Variants in EXPH5 observed in about 807,000 individuals in gnomAD.
EXPH5 encodes the protein exophilin 5.
A neutral mutation model predicts 41.1 loss-of-function variants in EXPH5; 42 were observed. The ratio of observed to expected loss-of-function variants is 1.02; its 90% CI spans 0.80 to 1.32. EXPH5 has a LOEUF of 1.32. EXPH5 is among the 40% of genes most tolerant of loss of function. The probability of loss-of-function intolerance (pLI) is 0.00; values close to 1 mark genes in which losing one functional copy is unlikely to be tolerated. For missense variants in EXPH5, 2,298 were observed against 2,314.5 expected (o/e 0.99, Z 0.15); for synonymous variants, 798 against 833.5 (o/e 0.96, Z 0.73).
the EXPH5 span, among the ~76,000 whole-genome samples, chr11:108,602,924 T>C: frequency 2.6e-5 from 4 of 152,076 alleles, no homozygotes; most frequent in African/African-American, 9.7e-5. Context: ...ATAATCCCCA[T>C]GTGTTGAGGG....
At chr11:108,541,445 C>T (rs1412040108) in intron 2 of EXPH5, among the ~76,000 whole-genome samples, 1 of 149,014 alleles carries the variant, frequency 6.7e-6, no homozygotes, top group Admixed American at 6.7e-5. Context: ...ACCCAAAAAA[C>T]AAAAAAAAAT....
At chr11:108,570,425 T>C (rs1027797439) in intron 1 of EXPH5, among the ~76,000 whole-genome samples, 2 of 151,892 alleles carry the variant, frequency 1.3e-5, no homozygotes, top group African/African-American at 4.8e-5. Context: ...CAGCTAAGTT[T>C]TGTATTTTTA....
chr11:108,563,751 G>T (rs1485719855), intron 1 of EXPH5, among the ~76,000 whole-genome samples: 1 of 152,182 alleles, frequency 6.6e-6, no homozygotes, highest in Non-Finnish European at 1.5e-5. Context: ...CCACTGAAGG[G>T]GTGGAGAGGC....
chr11:108,603,029 A>G, the EXPH5 span, among the ~76,000 whole-genome samples: 30 of 152,268 alleles, frequency 2.0e-4, no homozygotes, highest in African/African-American at 6.3e-4. Flanking sequence ...TGATGGTTTT[A>G]TAAGCATCTG....
chr11:108,518,736 C>T (rs565119688), intron 4 of EXPH5, among the ~76,000 whole-genome samples: 1 of 152,260 alleles, frequency 6.6e-6, no homozygotes, highest in Admixed American at 6.5e-5. Flanking sequence ...CATTCCCAGC[C>T]GGTTAAGGCA....
chr11:108,533,331 G>A (rs2093856157), intron 3 of EXPH5, among the ~76,000 whole-genome samples: 2 of 152,012 alleles, frequency 1.3e-5, no homozygotes, highest in Non-Finnish European at 2.9e-5. Context: ...AGCCTCCCAA[G>A]TATCAGGGAT....
intron 3 of EXPH5, among the ~76,000 whole-genome samples, chr11:108,528,695 CTTTTTTTTT>C (rs58500316): frequency 1.9e-5 from 2 of 106,328 alleles, no homozygotes; most frequent in African/African-American, 7.5e-5. Flanking sequence ...TTTTCTTTCC[CTTTTTTTTT>C]TTTTTTTTTT....
chr11:108,574,844 G>A (rs1033304715), intron 1 of EXPH5, among the ~76,000 whole-genome samples: 5 of 152,324 alleles, frequency 3.3e-5, no homozygotes, highest in African/African-American at 9.6e-5. Context: ...CCCAAAAGAA[G>A]CAGTTGTCAC....
At chr11:108,518,100 A>C (rs1049042154) in intron 5 of EXPH5, 135 bp downstream of exon 5, 1 of 733,590 alleles carries the variant, frequency 1.4e-6, no homozygotes, top group African/African-American at 1.8e-5. Flanking sequence ...CATCCTCTTC[A>C]AATAAGCTAA....
chr11:108,572,751 G>T (rs2094064961), intron 1 of EXPH5, among the ~76,000 whole-genome samples: 1 of 151,984 alleles, frequency 6.6e-6, no homozygotes, highest in African/African-American at 2.4e-5. Context: ...TAGAGATGGG[G>T]TTTCACCATG....
intron 1 of EXPH5, among the ~76,000 whole-genome samples, chr11:108,592,168 A>G (rs1472622386): frequency 6.6e-6 from 1 of 152,148 alleles, no homozygotes; most frequent in African/African-American, 2.4e-5. Flanking sequence ...TACACTGTTC[A>G]GGGGAGGGGA....
intron 3 of EXPH5, among the ~76,000 whole-genome samples, chr11:108,531,167 G>C (rs1333000470): frequency 1.3e-5 from 2 of 152,170 alleles, no homozygotes; most frequent in East Asian, 3.9e-4. Context: ...CTGCCTGACA[G>C]TCAACTTTCA....
chr11:108,554,299 C>T (rs1397663047), intron 1 of EXPH5, among the ~76,000 whole-genome samples: 2 of 152,192 alleles, frequency 1.3e-5, no homozygotes, highest in Admixed American at 6.5e-5. Flanking sequence ...AAGTGATCCT[C>T]CCGCCTCAGC....
chr11:108,511,911 C>T lies in EXPH5; in HGVS notation c.3596G>A (p.Arg1199Lys), dbSNP rs1367565840. ...ATTTGAAAGAGCAAATACACTTCTC[C>T]TGGAGGCAGCCATTTTACCCTCTTT... ...TEKEGKMAAS[R>K]RSVFALSNED... The change falls in exon 6 of 6, where the codon AGG becomes AAG. Residue 1199 changes from arginine (R) to lysine (K), a missense_variant. By Grantham distance (26) the Arg-to-Lys change is conservative (BLOSUM62 2). Coordinates refer to ENST00000265843, the MANE Select transcript of EXPH5 (RefSeq NM_015065.3). 8.1e-6 allele frequency: 13 copies of T among 1,595,768 alleles called. No individual in the cohort carries two copies. The African/African-American group carries it at 1.4e-4, about 17-fold the overall frequency.
chr11:108,590,581 C>T (rs1240802877), intron 1 of EXPH5, among the ~76,000 whole-genome samples: 3 of 152,134 alleles, frequency 2.0e-5, no homozygotes, highest in Non-Finnish European at 2.9e-5. Context: ...AACTCAACTA[C>T]CCTCACACCT....
At chr11:108,568,854 C>T (rs939751845) in intron 1 of EXPH5, among the ~76,000 whole-genome samples, 3 of 152,126 alleles carry the variant, frequency 2.0e-5, no homozygotes, top group Admixed American at 1.3e-4. Context: ...CCTCCCTAAT[C>T]GAGGCCCCTA....
rs906253797 is a variant in EXPH5, at chr11:108,572,625, C to T, written c.119+20793G>A. 2.6e-5 allele frequency among the ~76,000 whole-genome samples: 4 copies of T among 152,186 alleles called. No homozygotes were observed. The East Asian group carries it at 7.7e-4, about 29-fold the overall frequency. The stretch of plus-strand genomic sequence containing the variant: ...CCAAGCTGCAGTGCAATGGCGTGAT[C>T]TCAGCTCACTGCAACCTTTGCCTCC... On this transcript the variant is annotated intron_variant, in intron 1 of 5. Coordinates refer to ENST00000265843, the MANE Select transcript of EXPH5 (RefSeq NM_015065.3).
In EXPH5 at chr11:108,513,540, A is replaced by G; in HGVS notation, c.1967T>C (p.Ile656Thr). 6.2e-7 allele frequency: 1 copy of G among 1,614,062 alleles called. No individual in the cohort carries two copies. Among genetic ancestry groups the G allele is most frequent in the Non-Finnish European group, 8.5e-7 (1 of 1,180,014 alleles). Residue 656 changes from isoleucine (I) to threonine (T), a missense_variant, in exon 6 of 6, where the codon ATT becomes ACT. Ile to Thr is a moderately conservative substitution (Grantham distance 89). Coordinates refer to ENST00000265843, the MANE Select transcript of EXPH5 (RefSeq NM_015065.3). ...ATGAGAGGCAGGCTTATTTGGAAAAATTTTCTGCAAAGTGACTGTGGGATT... is the reference window on the plus strand; with the variant it reads ...ATGAGAGGCAGGCTTATTTGGAAAAGTTTTCTGCAAAGTGACTGTGGGATT... ...LQNPTVTLQK[I>T]FPNKPASHPM...
intron 1 of EXPH5, among the ~76,000 whole-genome samples, chr11:108,577,525 G>A (rs373996372): frequency 6.6e-6 from 1 of 151,968 alleles, no homozygotes; most frequent in East Asian, 1.9e-4. Context: ...CCAGGTTCAA[G>A]TGATTCTCCT....
Sources: gnomAD v4.1 joint callset for allele counts (sites outside exome capture counted in the v4.1 genomes callset) on GRCh38, gnomAD v4.1.1 for gene constraint, MANE v1.5 for transcripts, NCBI Gene and HGNC (gene_info 2026-07-23, HGNC 2026-07-21) for gene names.